Variants in TDRD5 observed in about 807,000 individuals in gnomAD.
TDRD5 encodes the protein tudor domain containing 5.
Under a neutral mutation model 120.6 loss-of-function variants are expected in TDRD5, and 41 were observed. That is an observed-to-expected ratio of 0.34 (90% CI 0.26 to 0.44). The LOEUF is 0.44. Among genes scored for constraint, TDRD5 ranks in the 20% least tolerant of loss-of-function variants. The pLI, the probability that TDRD5 is intolerant of heterozygous loss-of-function variation, is 1.00. For missense variants in TDRD5, 1,006 were observed against 1,221.2 expected (o/e 0.82, Z 2.63); for synonymous variants, 430 against 433.7 (o/e 0.99, Z 0.11).
intron 4 of TDRD5, among the ~76,000 whole-genome samples, chr1:179,598,576 G>T (rs182412488): frequency 1.3e-5 from 2 of 151,850 alleles, no homozygotes; most frequent in African/African-American, 4.8e-5. Flanking sequence ...TAAAGCTTGC[G>T]CATATTTTGT....
intron 2 of TDRD5, among the ~76,000 whole-genome samples, chr1:179,593,049 G>A (rs1010576591): frequency 2.0e-5 from 3 of 152,108 alleles, no homozygotes; most frequent in Non-Finnish European, 4.4e-5. Flanking sequence ...CCAAACAATC[G>A]TGCACTCACA....
intron 17 of TDRD5, among the ~76,000 whole-genome samples, chr1:179,678,027 G>A (rs1345519594): frequency 6.6e-6 from 1 of 152,090 alleles, no homozygotes; most frequent in Non-Finnish European, 1.5e-5. Context: ...CCAGGTGGGG[G>A]CAGGGACAGG....
At chr1:179,620,695 T>C (rs573889299) in intron 5 of TDRD5, among the ~76,000 whole-genome samples, 2 of 152,264 alleles carry the variant, frequency 1.3e-5, no homozygotes, top group South Asian at 4.1e-4. Flanking sequence ...TTTCTAACAA[T>C]TAAAATGCTT....
chr1:179,639,696 G>GT (rs1210198240), intron 9 of TDRD5, 143 bp from the exon 10 acceptor site: 13 of 734,930 alleles, frequency 1.8e-5, no homozygotes, highest in Non-Finnish European at 2.6e-5. Context: ...CAATTAATTG[G>GT]TATTAATGAG....
intron 4 of TDRD5, among the ~76,000 whole-genome samples, chr1:179,617,312 T>C (rs957370606): frequency 2.0e-5 from 3 of 152,184 alleles, no homozygotes; most frequent in Non-Finnish European, 2.9e-5. Context: ...AATCCTGCCA[T>C]GTAAGCGCTG....
intron 11 of TDRD5, among the ~76,000 whole-genome samples, chr1:179,641,578 C>T (rs902025885): frequency 3.3e-5 from 5 of 151,934 alleles, no homozygotes; most frequent in African/African-American, 1.2e-4. Context: ...ACCTATAATT[C>T]CACCACTCAA....
intron 17 of TDRD5, among the ~76,000 whole-genome samples, chr1:179,675,866 C>G (rs1680119078): frequency 6.6e-6 from 1 of 152,082 alleles, no homozygotes; most frequent in African/African-American, 2.4e-5. Flanking sequence ...CTATAAATAT[C>G]TGTTAAATCC....
At chr1:179,636,166 A>C (rs1239567229) in intron 9 of TDRD5, among the ~76,000 whole-genome samples, 1 of 152,184 alleles carries the variant, frequency 6.6e-6, no homozygotes, top group Non-Finnish European at 1.5e-5. Context: ...GCTTAATAGA[A>C]GAAAGTTGAT....
intron 14 of TDRD5, among the ~76,000 whole-genome samples, chr1:179,658,063 T>C (rs1438671134): frequency 2.6e-5 from 4 of 152,200 alleles, no homozygotes; most frequent in Non-Finnish European, 4.4e-5. Context: ...AGATTCCACA[T>C]GTAAGTGAGA....
chr1:179,597,831 C>CTAT (rs769987714), intron 4 of TDRD5, among the ~76,000 whole-genome samples: 12,962 of 152,292 alleles, frequency 0.085, 709 homozygotes, highest in African/African-American at 0.14. Flanking sequence ...TTTGGCACCT[C>CTAT]CATTCACCTC....
intron 17 of TDRD5, among the ~76,000 whole-genome samples, chr1:179,689,819 A>G (rs1188446715): frequency 5.3e-5 from 8 of 152,194 alleles, no homozygotes; most frequent in Admixed American, 5.2e-4. Flanking sequence ...GCTAGCAGTG[A>G]GTGAGGCTCC....
intron 17 of TDRD5, among the ~76,000 whole-genome samples, chr1:179,670,451 C>CAGT (rs1679804919): frequency 6.6e-6 from 1 of 151,940 alleles, no homozygotes; most frequent in Admixed American, 6.6e-5. Flanking sequence ...CTAGGTCATA[C>CAGT]AGTAACTGCA....
chr1:179,614,769 T>C (rs903562576), intron 4 of TDRD5, among the ~76,000 whole-genome samples: 1 of 152,120 alleles, frequency 6.6e-6, no homozygotes, highest in African/African-American at 2.4e-5. Flanking sequence ...ATATTTTTAA[T>C]TGATGAGTAA....
chr1:179,613,585 G>A (rs1255209810), intron 4 of TDRD5, among the ~76,000 whole-genome samples: 2 of 152,170 alleles, frequency 1.3e-5, no homozygotes, highest in Non-Finnish European at 2.9e-5. Flanking sequence ...TCATGGCTCT[G>A]GCATATAAGG....
chr1:179,655,690 A>G (rs981684527), intron 14 of TDRD5, among the ~76,000 whole-genome samples: 1 of 152,172 alleles, frequency 6.6e-6, no homozygotes, highest in African/African-American at 2.4e-5. Context: ...ACTGTCATGT[A>G]AGTAGAATCA....
intron 14 of TDRD5, among the ~76,000 whole-genome samples, chr1:179,655,087 G>A (rs535874901): frequency 1.7e-4 from 26 of 152,182 alleles, no homozygotes; most frequent in African/African-American, 4.6e-4. Context: ...GAGCACCCAC[G>A]TTTATCTCTT....
rs1320670196 is a variant in TDRD5 at position 179,647,179 on chromosome 1, C to G, written c.1801-3688C>G. Among the ~76,000 whole-genome samples the G allele has an allele frequency of 5.4e-4, 79 of 145,558 alleles. 1 individual carries two copies. In the East Asian group the frequency reaches 0.014, roughly 26 times the overall value. On this transcript the variant is annotated intron_variant, in intron 11 of 17. Coordinates refer to ENST00000444136, the MANE Select transcript of TDRD5 (RefSeq NM_001199085.3). ...GCCAAAAGAACAAAGCTGGAGGCAT[C>G]ACACTACCTGACTTCAAACTATACT...
chr1:179,593,838 CAG>C lies in TDRD5; in HGVS notation c.614_615del (p.Glu205GlyfsTer10), dbSNP rs1675244844. Reference sequence around the variant, plus strand: ...TTGTTGATGCTAAAGAAGAGTGTAACAGAGGAAAAGCCGAGAGGATGTCCAGC... The same window carrying C: ...TTGTTGATGCTAAAGAAGAGTGTAACAGGAAAAGCCGAGAGGATGTCCAGC... On this transcript the variant is annotated frameshift_variant, in exon 3 of 18. Coordinates refer to ENST00000444136, the MANE Select transcript of TDRD5 (RefSeq NM_001199085.3). LOFTEE classifies it high-confidence loss of function. The C allele has an allele frequency of 1.2e-6, 2 of 1,613,718 alleles. No homozygotes were observed. Among genetic ancestry groups the C allele is most frequent in the East Asian group, 2.2e-5 (1 of 44,864 alleles).
At chr1:179,610,011 CT>C (rs1263281061) in intron 4 of TDRD5, among the ~76,000 whole-genome samples, 3 of 152,132 alleles carry the variant, frequency 2.0e-5, no homozygotes, top group Admixed American at 1.3e-4. Context: ...ATCCTGAAAG[CT>C]CTCCAGACTG....
Sources: allele counts gnomAD v4.1 joint callset (sites outside exome capture counted in the v4.1 genomes callset), GRCh38; gene constraint gnomAD v4.1.1; transcripts MANE v1.5; gene names NCBI Gene and HGNC (gene_info 2026-07-23, HGNC 2026-07-21).